Variants in MGST2 observed in about 807,000 individuals in gnomAD.
The protein encoded by MGST2 is glutathione peroxidase MGST2.
A neutral mutation model predicts 16.6 loss-of-function variants in MGST2; 9 were observed. The observed-to-expected ratio is 0.54, with a 90% CI of 0.33 to 0.95. The LOEUF is 0.95. MGST2 is among the 40% of genes least tolerant of loss of function. MGST2 has a pLI of 0.03. For synonymous variants in MGST2, 79 were observed against 68.0 expected, an observed-to-expected ratio of 1.16 and a Z score of -0.79; for missense variants, 159 against 175.1, an observed-to-expected ratio of 0.91 and a Z score of 0.52.
downstream of MGST2, among the ~76,000 whole-genome samples, chr4:139,744,223 G>C (rs1326761717): frequency 1.3e-5 from 2 of 152,222 alleles, no homozygotes; most frequent in Non-Finnish European, 2.9e-5. Context: ...GAGGTTCAGG[G>C]ATCTGGTTTG....
chr4:139,738,920 T>G (rs965384719), intron 5 of MGST2, among the ~76,000 whole-genome samples: 3 of 152,216 alleles, frequency 2.0e-5, no homozygotes, highest in African/African-American at 7.2e-5. Context: ...GATTCTTAAC[T>G]AAGTAACATG....
At chr4:139,748,811 T>G in the MGST2 span, among the ~76,000 whole-genome samples, 1 of 152,158 alleles carries the variant, frequency 6.6e-6, no homozygotes, top group Non-Finnish European at 1.5e-5. Context: ...TGAAAGAAGG[T>G]CTCAGCCTGA....
intron 5 of MGST2, among the ~76,000 whole-genome samples, chr4:139,711,890 C>T (rs955555383): frequency 9.9e-5 from 15 of 152,106 alleles, no homozygotes; most frequent in South Asian, 2.1e-4. Context: ...TGAATAGGGG[C>T]GATGATATTC....
intron 5 of MGST2, among the ~76,000 whole-genome samples, chr4:139,736,168 T>G (rs111901998): frequency 6.6e-6 from 1 of 151,716 alleles, no homozygotes; most frequent in Non-Finnish European, 1.5e-5. Context: ...TAAAAAAAAA[T>G]TTTTTTTAAA....
chr4:139,719,116 C>T (rs763042999), intron 5 of MGST2: 4 of 578,170 alleles, frequency 6.9e-6, no homozygotes, highest in Non-Finnish European at 1.2e-5. Context: ...CATGGCGTCT[C>T]ATCTCGATTG....
intron 5 of MGST2, chr4:139,719,858 T>G: frequency 6.2e-7 from 1 of 1,613,874 alleles, no homozygotes. Flanking sequence ...TTGCCAGCTT[T>G]GTGCTCCTTG....
At chr4:139,751,513 G>T in the MGST2 span, among the ~76,000 whole-genome samples, 46 of 152,302 alleles carry the variant, frequency 3.0e-4, no homozygotes, top group Non-Finnish European at 5.6e-4. Context: ...ATCACATGAG[G>T]TCAGGTGTGA....
chr4:139,677,394 A>G (rs1731015795), intron 1 of MGST2, among the ~76,000 whole-genome samples: 1 of 152,196 alleles, frequency 6.6e-6, no homozygotes, highest in African/African-American at 2.4e-5. Flanking sequence ...GGACAAATCA[A>G]AGCAGGGGCT....
Position 139,740,411 on chromosome 4 carries a change from GGA to G in MGST2, c.*249_*250del, listed in dbSNP as rs552181503. 3.3e-5 allele frequency: 5 copies of G among 152,232 alleles called. No individual in the cohort carries two copies. The South Asian group carries it at 1.0e-3, about 32-fold the overall frequency. The allele number at this position is 152,232 out of a possible 1,614,324, so 9.4% of individuals were successfully genotyped here. A position where few individuals can be genotyped will look rare whatever the true frequency, so the allele number is the denominator to read the frequency against. On this transcript the variant is annotated 3_prime_UTR_variant, in exon 6 of 6. Coordinates refer to the MGST2 transcript ENST00000616265. Reference sequence around the variant, plus strand: ...GCAAGTGGCCGCTGTCAGGACACATGGACTGAAAGTGGTTTGTCAGCTGCTCC... The same window carrying G: ...GCAAGTGGCCGCTGTCAGGACACATGCTGAAAGTGGTTTGTCAGCTGCTCC...
chr4:139,714,641 C>T (rs550518294), intron 5 of MGST2, among the ~76,000 whole-genome samples: 1 of 152,194 alleles, frequency 6.6e-6, no homozygotes, highest in African/African-American at 2.4e-5. Flanking sequence ...CATCTTTAAT[C>T]TAACCTCCGA....
At chr4:139,695,347 C>A in intron 3 of MGST2, 80 bp downstream of exon 3, 1 of 1,159,974 alleles carries the variant, frequency 8.6e-7, no homozygotes, top group Non-Finnish European at 1.3e-6. Flanking sequence ...TATGGCCAGG[C>A]ACGGTGGCTC....
At chr4:139,682,608 G>A (rs748418316) in intron 2 of MGST2, among the ~76,000 whole-genome samples, 4 of 152,150 alleles carry the variant, frequency 2.6e-5, no homozygotes, top group Non-Finnish European at 5.9e-5. Context: ...TCATGACAGG[G>A]TTTTAAGCAA....
chr4:139,706,907 T>C (rs575130666), downstream of MGST2, among the ~76,000 whole-genome samples: 31 of 152,372 alleles, frequency 2.0e-4, no homozygotes, highest in Middle Eastern at 3.4e-3. Context: ...GTTTGACAAT[T>C]ACATGTACAT....
chr4:139,720,014 AC>A, intron 5 of MGST2: 1 of 1,613,778 alleles, frequency 6.2e-7, no homozygotes, highest in Non-Finnish European at 8.5e-7. Context: ...CACCATTCCA[AC>A]CCCCTGCCCA....
chr4:139,703,987 C>A, intron 4 of MGST2, 29 bp from the exon 5 acceptor site: 1 of 1,613,908 alleles, frequency 6.2e-7, no homozygotes, highest in Non-Finnish European at 8.5e-7. Context: ...TCCAGTTTGT[C>A]ACTTTTCTCC....
At chr4:139,702,133 A>G (rs1727284851) in intron 3 of MGST2, among the ~76,000 whole-genome samples, 2 of 152,212 alleles carry the variant, frequency 1.3e-5, no homozygotes, top group South Asian at 4.1e-4. Context: ...AGACATTGAT[A>G]TGTATTGATA....
intron 5 of MGST2, among the ~76,000 whole-genome samples, chr4:139,724,493 AT>A (rs1356438142): frequency 6.6e-6 from 1 of 152,206 alleles, no homozygotes. Context: ...CAGTCTATTG[AT>A]AAAGTTCAGG....
intron 2 of MGST2, among the ~76,000 whole-genome samples, chr4:139,679,824 C>T (rs988960718): frequency 6.6e-6 from 1 of 152,140 alleles, no homozygotes; most frequent in African/African-American, 2.4e-5. Context: ...TTTCAATTAT[C>T]TTTGAATCCT....
chr4:139,749,846 T>G, the MGST2 span, among the ~76,000 whole-genome samples: 532 of 151,932 alleles, frequency 3.5e-3, 1 homozygote, highest in Non-Finnish European at 6.5e-3. Context: ...CATTATCTCT[T>G]TGTCCCCCTT....
Sources: gnomAD v4.1 joint callset for allele counts (sites outside exome capture counted in the v4.1 genomes callset) on GRCh38, gnomAD v4.1.1 for gene constraint, MANE v1.5 for transcripts, NCBI Gene and HGNC (gene_info 2026-07-23, HGNC 2026-07-21) for gene names.